DENND6B: variants seen among roughly 807,000 people sequenced by gnomAD.
DENND6B encodes protein DENND6B.
DENND6B carries 73 observed loss-of-function variants against 85.1 expected under a neutral mutation model. That is an observed-to-expected ratio of 0.86 (90% confidence interval 0.71 to 1.04). DENND6B has a LOEUF of 1.04. Ranked by LOEUF, DENND6B falls within the 50% of genes least tolerant of loss-of-function variation. The pLI, the probability that DENND6B is intolerant of heterozygous loss-of-function variation, is 0.00. For synonymous variants in DENND6B, 357 were observed against 329.3 expected, an observed-to-expected ratio of 1.08 and a Z score of -0.91; for missense variants, 715 against 785.8, an observed-to-expected ratio of 0.91 and a Z score of 1.08.
At position 50,318,963 on chromosome 22, in the gene DENND6B, A is replaced by C; in HGVS notation, c.216+2T>G. ...TCCATTCCCAAGAGGGCCGGGACTC[A>C]CCTCCTTGTCTGTGAGCCGGAAGTC... On this transcript the variant is annotated splice_donor_variant, in intron 2 of 19. Coordinates refer to ENST00000413817, the MANE Select transcript of DENND6B (RefSeq NM_001001794.4). LOFTEE classifies it high-confidence loss of function. 3.1e-6 allele frequency: 5 copies of C among 1,606,030 alleles called. No homozygotes were observed. The highest frequency in any genetic ancestry group is 4.2e-6 in the Non-Finnish European group (5 of 1,176,632).
At chr22:50,322,762 G>A (rs2042085208) in intron 1 of DENND6B, among the ~76,000 whole-genome samples, 1 of 151,954 alleles carries the variant, frequency 6.6e-6, no homozygotes, top group Admixed American at 6.6e-5. Context: ...TGGCTAGGCT[G>A]GTGGTCTCAA....
At position 50,316,268 on chromosome 22, in the gene DENND6B, G is replaced by A. The variant is rs1389454563; in HGVS notation, c.560-15C>T. On this transcript the variant is annotated splice_polypyrimidine_tract_variant and intron_variant, in intron 6 of 19. Coordinates refer to ENST00000413817, the MANE Select transcript of DENND6B (RefSeq NM_001001794.4). ...CTCACTGCACACTGCGGATGCAGTA[G>A]CCCGCATCAGGACCCTCCCCAAGGA... is the stretch of plus-strand genomic sequence containing the variant. 2 of 1,586,658 alleles carry A rather than the reference G, an allele frequency of 1.3e-6. No individual in the cohort carries two copies. Among genetic ancestry groups the A allele is most frequent in the Non-Finnish European group, 1.7e-6 (2 of 1,167,094 alleles).
At position 50,318,909 on chromosome 22, in the gene DENND6B, G is replaced by A. The variant is rs375670858; in HGVS notation, c.217-20C>T. On this transcript the variant is annotated intron_variant, in intron 2 of 19. Coordinates refer to ENST00000413817, the MANE Select transcript of DENND6B (RefSeq NM_001001794.4). ...GCTTTTCTGAAACATATAAAACCCC[G>A]GTGAGGGCCGACCCACTCCTGGGTC... 1.1e-4 allele frequency: 184 copies of A among 1,612,144 alleles called. No individual in the cohort carries two copies. Among genetic ancestry groups the A allele is most frequent in the Middle Eastern group, 1.7e-4 (1 of 6,060 alleles).
At position 50,310,123 on chromosome 22, in the gene DENND6B, CA is replaced by C. The variant is rs1346480644; in HGVS notation, c.*2015del. ...TTCAAGCTGCCCACACAAGAGGTGC[CA>C]GCATCTCTGCAGACCCTCTAGAGAC... On this transcript the variant is annotated 3_prime_UTR_variant, in exon 20 of 20. Coordinates refer to ENST00000413817, the MANE Select transcript of DENND6B (RefSeq NM_001001794.4). 1.3e-5 allele frequency: 2 copies of C among 152,286 alleles called. No homozygotes were observed. The highest frequency in any genetic ancestry group is 6.5e-5 in the Admixed American group (1 of 15,288). 9.4% of individuals were successfully genotyped at this position (152,286 alleles called of 1,614,324 possible). A position where few individuals can be genotyped will look rare whatever the true frequency, so the allele number is the denominator to read the frequency against.
At chr22:50,318,473 T>G (rs894627692) in intron 3 of DENND6B, among the ~76,000 whole-genome samples, 1 of 152,188 alleles carries the variant, frequency 6.6e-6, no homozygotes. Flanking sequence ...CACCTTCAAC[T>G]TCTCTGGGAG....
intron 5 of DENND6B, chr22:50,316,784 C>T: frequency 7.8e-7 from 1 of 1,286,510 alleles, no homozygotes; most frequent in Non-Finnish European, 1.0e-6. Flanking sequence ...CTTTTACTCT[C>T]TGCCTATGGC....
chr22:50,324,639 G>A (rs2042142935), intron 1 of DENND6B, among the ~76,000 whole-genome samples: 1 of 152,066 alleles, frequency 6.6e-6, no homozygotes, highest in African/African-American at 2.4e-5. Flanking sequence ...GGTCAGGCTG[G>A]TCTCAAACTC....
chr22:50,326,640 C>T (rs1437076151), intron 1 of DENND6B, among the ~76,000 whole-genome samples, 172 bp downstream of exon 1: 3 of 152,254 alleles, frequency 2.0e-5, no homozygotes, highest in South Asian at 2.1e-4. Context: ...AGCTCGCCTT[C>T]CCTCCTCGGC....
At position 50,325,461 on chromosome 22, in the gene DENND6B, C is replaced by T. The variant is rs116865136; in HGVS notation, c.177+1351G>A. ...CAAGCCATTCTCCTCCTCAGTCTCC[C>T]GAGTAGCTAGGACTACAGGAGTGTG... On this transcript the variant is annotated intron_variant, in intron 1 of 19. Transcript: ENST00000413817. Among the ~76,000 whole-genome samples the T allele has an allele frequency of 5.3e-3, 812 of 151,794 alleles. 6 individuals are homozygous for T. Among genetic ancestry groups the T allele is most frequent in the Admixed American group, 9.7e-3 (147 of 15,210 alleles).
Position 50,326,802 on chromosome 22 carries a change from G to T in DENND6B, c.177+10C>A. On this transcript the variant is annotated intron_variant, in intron 1 of 19. Coordinates refer to ENST00000413817, the MANE Select transcript of DENND6B (RefSeq NM_001001794.4). ...CCCACCCGCCCGCGCCCGCGCTCGC[G>T]CCCGCTCACCTCCAGCGCCTGGCCC... 1 of 1,383,800 alleles carries T rather than the reference G, an allele frequency of 7.2e-7. No individual in the cohort carries two copies. Among genetic ancestry groups the T allele is most frequent in the Middle Eastern group, 2.6e-4 (1 of 3,778 alleles). The allele number at this position is 1,383,800 out of a possible 1,614,324, so 85.7% of individuals were successfully genotyped here.
At chr22:50,325,656 G>A (rs2042170320) in intron 1 of DENND6B, among the ~76,000 whole-genome samples, 1 of 152,098 alleles carries the variant, frequency 6.6e-6, no homozygotes, top group Non-Finnish European at 1.5e-5. Context: ...AACTTCTTTT[G>A]TGATTTTGTG....
chr22:50,317,511 C>T, intron 4 of DENND6B, 138 bp from the exon 5 acceptor site: 1 of 985,796 alleles, frequency 1.0e-6, no homozygotes. Flanking sequence ...GAGCTGCTGT[C>T]CGTGCACTCT....
chr22:50,316,078 G>A lies in DENND6B; in HGVS notation c.649C>T (p.Pro217Ser), dbSNP rs200196394. 439 of 1,612,642 alleles carry A rather than the reference G, an allele frequency of 2.7e-4. 1 individual carries two copies. Among genetic ancestry groups the A allele is most frequent in the Non-Finnish European group, 3.4e-4 (397 of 1,179,792 alleles). The change falls in exon 8 of 20, where the codon CCA (proline) becomes TCA (serine). Residue 217 changes from proline (P) to serine (S), a missense_variant. By Grantham distance (74) the Pro-to-Ser change is moderately conservative. Coordinates refer to ENST00000413817, the MANE Select transcript of DENND6B (RefSeq NM_001001794.4). ...GACTCGGACTTGTCCACCCTGGATGGGATGCGCACCTGGGAGAAGGAGGGA... is the reference window on the plus strand; with the variant it reads ...GACTCGGACTTGTCCACCCTGGATGAGATGCGCACCTGGGAGAAGGAGGGA... ...VMGVVVQVRI[P>S]SRVDKSESSP...
At chr22:50,315,133 G>T (rs1312469274) in intron 9 of DENND6B, 1 of 716,802 alleles carries the variant, frequency 1.4e-6, no homozygotes, top group East Asian at 3.0e-5. Context: ...CTGGCCCTGG[G>T]AATGGGGGAC....
intron 1 of DENND6B, among the ~76,000 whole-genome samples, chr22:50,323,609 T>C (rs1367232353): frequency 6.6e-6 from 1 of 151,922 alleles, no homozygotes; most frequent in Non-Finnish European, 1.5e-5. Flanking sequence ...TTTGTAGAGA[T>C]GTGGGTTTTG....
At chr22:50,318,375 C>G (rs1860685116) in intron 3 of DENND6B, among the ~76,000 whole-genome samples, 1 of 152,184 alleles carries the variant, frequency 6.6e-6, no homozygotes, top group Admixed American at 6.5e-5. Flanking sequence ...ATGCCCAGCC[C>G]AAGGGGTCTG....
At position 50,314,882 on chromosome 22, in the gene DENND6B, CCA is replaced by C; in HGVS notation, c.796_797del (p.Trp266GlyfsTer47). ...GGGGCTCCCCGAGGAGCATGAGCTC[CCA>C]CAGTGTCTGCATATGAGTCAGCACA... The part of the protein sequence containing the change: ...RPVLTHMQTL[W>X]ELMLLGEPLL... On this transcript the variant is annotated frameshift_variant, in exon 10 of 20. Coordinates refer to ENST00000413817, the MANE Select transcript of DENND6B (RefSeq NM_001001794.4). LOFTEE classifies it high-confidence loss of function. The C allele has an allele frequency of 1.2e-6, 2 of 1,612,250 alleles. No homozygotes were observed. Among genetic ancestry groups the C allele is most frequent in the Non-Finnish European group, 1.7e-6 (2 of 1,179,566 alleles).
intron 3 of DENND6B, 111 bp from the exon 4 acceptor site, chr22:50,318,131 A>G: frequency 5.7e-6 from 6 of 1,055,742 alleles, no homozygotes; most frequent in Non-Finnish European, 8.2e-6. Flanking sequence ...CTGCTGGTAA[A>G]TATACCCCAG....
In DENND6B at chr22:50,313,043, G is replaced by A. The variant is rs918732821; in HGVS notation, c.1413C>T (p.Pro471=). The change falls in exon 17 of 20, where the codon CCC becomes CCT. Residue 471 remains proline, a synonymous_variant. Coordinates refer to ENST00000413817, the MANE Select transcript of DENND6B (RefSeq NM_001001794.4). ...CGCCCTTGAGGATGCAGGTGAGCTG[G>A]GGCCCAGCATGCTCCAGGCTACGCA... The part of the protein sequence containing the change: ...DFLRSLEHAG[P]QLTCILKGDW... The A allele has an allele frequency of 5.8e-6, 9 of 1,563,564 alleles. No individual in the cohort carries two copies. Among genetic ancestry groups the A allele is most frequent in the Middle Eastern group, 1.7e-4 (1 of 5,988 alleles).
Sources: gnomAD v4.1 joint callset for allele counts (sites outside exome capture counted in the v4.1 genomes callset) on GRCh38, gnomAD v4.1.1 for gene constraint, MANE v1.5 for transcripts, NCBI Gene and HGNC (gene_info 2026-07-23, HGNC 2026-07-21) for gene names.